Variants in PRKN observed in about 807,000 individuals in gnomAD.
PRKN encodes the protein parkin RBR E3 ubiquitin protein ligase, also known as E3 ubiquitin-protein ligase parkin.
A neutral mutation model predicts 59.5 loss-of-function variants in PRKN; 56 were observed. That is an observed-to-expected ratio of 0.94 (90% CI 0.76 to 1.18). The LOEUF is 1.18. Ranked by LOEUF, PRKN falls within the 50% of genes most tolerant of loss-of-function variation. The probability of loss-of-function intolerance (pLI) is 0.00; values close to 1 mark genes in which losing one functional copy is unlikely to be tolerated. For synonymous variants in PRKN, 250 were observed against 222.1 expected, an observed-to-expected ratio of 1.13 and a Z score of -1.12; for missense variants, 657 against 596.4, an observed-to-expected ratio of 1.10 and a Z score of -1.06.
chr6:162,499,358 A>G (rs1793255456), intron 1 of PRKN, among the ~76,000 whole-genome samples: 1 of 152,146 alleles, frequency 6.6e-6, no homozygotes, highest in African/African-American at 2.4e-5. Flanking sequence ...AGGTACCCAC[A>G]GCATCCTGGG....
chr6:162,726,560 C>T (rs1018107056), intron 1 of PRKN, among the ~76,000 whole-genome samples: 4 of 152,210 alleles, frequency 2.6e-5, no homozygotes, highest in Non-Finnish European at 5.9e-5. Context: ...TGGCTTGATT[C>T]TCCCACTGAT....
chr6:161,680,758 TATA>T (rs1785309078), intron 7 of PRKN, among the ~76,000 whole-genome samples: 1 of 18,498 alleles, frequency 5.4e-5, no homozygotes, highest in African/African-American at 1.6e-4. Flanking sequence ...TATATATATA[TATA>T]TATATATATA....
intron 6 of PRKN, among the ~76,000 whole-genome samples, chr6:161,957,430 TTGTTTG>T (rs1780218071): frequency 7.5e-6 from 1 of 134,204 alleles, no homozygotes; most frequent in South Asian, 2.3e-4. Context: ...GTTTGTTTGT[TTGTTTG>T]TTTTTTTGAG....
At chr6:161,840,220 C>A (rs1175839863) in intron 6 of PRKN, among the ~76,000 whole-genome samples, 1 of 152,316 alleles carries the variant, frequency 6.6e-6, no homozygotes, top group Admixed American at 6.5e-5. Flanking sequence ...CAGATAGTGT[C>A]ATTACAGAGG....
At position 161,401,461 on chromosome 6, in the gene PRKN, A is replaced by T. The variant is rs182041214; in HGVS notation, c.1084-14584T>A. On this transcript the variant is annotated intron_variant, in intron 9 of 11. Coordinates refer to ENST00000366898, the MANE Select transcript of PRKN (RefSeq NM_004562.3). The surrounding 1 kb of genome is among the most constrained non-coding windows in gnomAD (Gnocchi z 4.4). ...CCGCATCTCTACTAAAAATACAAAA[A>T]CGTTAGCTGGGCGTGGTGGTGGACG... Among the ~76,000 whole-genome samples the T allele has an allele frequency of 2.5e-3, 374 of 152,018 alleles. 2 individuals carry two copies. The highest frequency in any genetic ancestry group is 4.1e-3 in the Non-Finnish European group (278 of 67,988).
At chr6:161,727,366 T>A (rs549538345) in intron 7 of PRKN, among the ~76,000 whole-genome samples, 53 of 152,180 alleles carry the variant, frequency 3.5e-4, no homozygotes, top group Admixed American at 2.9e-3. Context: ...ACCTTCCTCC[T>A]CTCCTGCAAC....
intron 1 of PRKN, among the ~76,000 whole-genome samples, chr6:162,651,213 T>C (rs1309425398): frequency 6.6e-6 from 1 of 152,194 alleles, no homozygotes; most frequent in Non-Finnish European, 1.5e-5. Context: ...ACCTCCATTC[T>C]CCTGGTACAT....
intron 6 of PRKN, among the ~76,000 whole-genome samples, chr6:161,799,337 G>A (rs1790984426): frequency 6.6e-6 from 1 of 152,224 alleles, no homozygotes; most frequent in Non-Finnish European, 1.5e-5. Flanking sequence ...TCAAGGAACA[G>A]GGACAAAAGC....
intron 6 of PRKN, among the ~76,000 whole-genome samples, chr6:161,960,733 C>A (rs1329318307): frequency 6.6e-6 from 1 of 152,202 alleles, no homozygotes; most frequent in East Asian, 1.9e-4. Context: ...GAAAGTCAAT[C>A]TGTCTTGCTT....
In PRKN at chr6:161,369,854, A is replaced by G. The variant is rs1411371538; in HGVS notation, c.1168-9649T>C. The G allele has an allele frequency of 7.1e-6, 2 of 282,966 alleles. No homozygotes were observed. Among genetic ancestry groups the G allele is most frequent in the Non-Finnish European group, 1.6e-5 (2 of 126,312 alleles). The allele number at this position is 282,966 out of a possible 1,614,324, so 17.5% of individuals were successfully genotyped here. ...CATATACATATAGAGAGAGACAGAG[A>G]GAATCAAAATTCCCTCAGAAAGGTA... On this transcript the variant is annotated intron_variant, in intron 10 of 11. Coordinates refer to ENST00000366898, the MANE Select transcript of PRKN (RefSeq NM_004562.3). The surrounding 1 kb of genome is among the most constrained non-coding windows in gnomAD (Gnocchi z 5.8).
At chr6:161,885,185 T>TGA (rs1460258990) in intron 6 of PRKN, among the ~76,000 whole-genome samples, 1 of 150,592 alleles carries the variant, frequency 6.6e-6, no homozygotes, top group Non-Finnish European at 1.5e-5. Context: ...ACCCCGGACC[T>TGA]ACTGAATCTG....
At chr6:161,795,044 C>G (rs1311427836) in intron 6 of PRKN, among the ~76,000 whole-genome samples, 1 of 151,424 alleles carries the variant, frequency 6.6e-6, no homozygotes, top group Non-Finnish European at 1.5e-5. Flanking sequence ...ACCACCACAC[C>G]CAGCTAATTT....
In PRKN at chr6:161,352,769, A is replaced by ATTTTTTTT. The variant is rs1554251159; in HGVS notation, c.1286-2559_1286-2558insAAAAAAAA. Among the ~76,000 whole-genome samples the ATTTTTTTT allele has an allele frequency of 8.4e-6, 1 of 119,448 alleles. No homozygotes were observed. Among genetic ancestry groups the ATTTTTTTT allele is most frequent in the African/African-American group, 2.9e-5 (1 of 34,328 alleles). The allele number at this position is 119,448 out of a possible 152,430, so 78.4% of individuals were successfully genotyped here. ...TGTGTGTGTGTGTATATATATATAT[A>ATTTTTTTT]TATTTTATTTTATTTTATTTTATTT... On this transcript the variant is annotated intron_variant, in intron 11 of 11. Coordinates refer to ENST00000366898, the MANE Select transcript of PRKN (RefSeq NM_004562.3). The surrounding 1 kb of genome is among the most constrained non-coding windows in gnomAD (Gnocchi z 5.8).
chr6:161,515,046 C>G (rs925762908), intron 9 of PRKN, among the ~76,000 whole-genome samples: 1 of 152,166 alleles, frequency 6.6e-6, no homozygotes, highest in Non-Finnish European at 1.5e-5. Flanking sequence ...CTATACATGT[C>G]TTATTTCCTT....
chr6:162,529,374 C>T (rs914098858), intron 1 of PRKN, among the ~76,000 whole-genome samples: 4 of 152,158 alleles, frequency 2.6e-5, no homozygotes, highest in Non-Finnish European at 5.9e-5. Flanking sequence ...TTCTCCTCCA[C>T]ACTCTCCAAA....
rs1791313601 is a variant in PRKN, at chr6:161,480,049, C to T, written c.1083+68805G>A. Among the ~76,000 whole-genome samples, 1 of 152,208 alleles carries T rather than the reference C, an allele frequency of 6.6e-6. No individual in the cohort carries two copies. Among genetic ancestry groups the T allele is most frequent in the Non-Finnish European group, 1.5e-5 (1 of 68,034 alleles). Reference sequence around the variant, plus strand: ...TGGAAGCCCAGGTGAAGGTGAGCCTCTGTCAGCCTCGGCCTTGATGAGGAG... The same window carrying T: ...TGGAAGCCCAGGTGAAGGTGAGCCTTTGTCAGCCTCGGCCTTGATGAGGAG... On this transcript the variant is annotated intron_variant, in intron 9 of 11. Coordinates refer to ENST00000366898, the MANE Select transcript of PRKN (RefSeq NM_004562.3). The surrounding 1 kb of genome is among the most constrained non-coding windows in gnomAD (Gnocchi z 4.1).
chr6:162,588,755 G>A (rs1263705283), intron 1 of PRKN, among the ~76,000 whole-genome samples: 4 of 152,040 alleles, frequency 2.6e-5, no homozygotes, highest in African/African-American at 9.7e-5. Flanking sequence ...GTTTCACCGT[G>A]TTAGCCAGGA....
At chr6:162,208,059 T>TA (rs1005851391) in intron 3 of PRKN, among the ~76,000 whole-genome samples, 16 of 152,030 alleles carry the variant, frequency 1.1e-4, no homozygotes, top group Non-Finnish European at 1.9e-4. Flanking sequence ...AGAACTAAAA[T>TA]AAAAAAATGT....
chr6:162,569,817 T>C (rs1393370912), intron 1 of PRKN: 2 of 446,064 alleles, frequency 4.5e-6, no homozygotes, highest in African/African-American at 2.0e-5. Flanking sequence ...GCACAGGGAA[T>C]GGGAGACCCA....
Sources: allele counts gnomAD v4.1 joint callset (sites outside exome capture counted in the v4.1 genomes callset), GRCh38; gene constraint gnomAD v4.1.1; non-coding constraint Gnocchi (gnomAD v3.1); transcripts MANE v1.5; gene names NCBI Gene and HGNC (gene_info 2026-07-23, HGNC 2026-07-21).